Variants in PTPRK observed in about 807,000 individuals in gnomAD.
PTPRK encodes protein tyrosine phosphatase receptor type K, also known as receptor-type tyrosine-protein phosphatase kappa.
A neutral mutation model predicts 178.0 loss-of-function variants in PTPRK; 75 were observed. That is an observed-to-expected ratio of 0.42 (90% CI 0.35 to 0.51). The LOEUF is 0.51. Among genes scored for constraint, PTPRK ranks in the 20% least tolerant of loss-of-function variants. PTPRK has a pLI of 0.02. For missense variants in PTPRK, 1,441 were observed against 1,797.8 expected (o/e 0.80, Z 3.59); for synonymous variants, 637 against 620.6 (o/e 1.03, Z -0.39).
chr6:128,011,038 C>T (rs903803007), intron 13 of PTPRK, among the ~76,000 whole-genome samples: 2 of 151,224 alleles, frequency 1.3e-5, no homozygotes, highest in African/African-American at 4.8e-5. Context: ...GAAATATATA[C>T]ATATATCTAT....
intron 1 of PTPRK, among the ~76,000 whole-genome samples, chr6:128,432,409 C>A (rs1844951211): frequency 6.6e-6 from 1 of 152,130 alleles, no homozygotes; most frequent in Non-Finnish European, 1.5e-5. Context: ...AATGGCTAAA[C>A]AAATGTACAT....
intron 15 of PTPRK, among the ~76,000 whole-genome samples, chr6:128,001,003 C>A (rs1777772728): frequency 6.6e-6 from 1 of 151,964 alleles, no homozygotes; most frequent in Non-Finnish European, 1.5e-5. Flanking sequence ...GTACAATGAG[C>A]AGTAAGGTCT....
chr6:128,242,505 C>A lies in PTPRK; in HGVS notation c.577+16G>T. ...GGAAAGGACATAGAAAAATACAATT[C>A]TTAATCACAACCTACCACAAGGATA... On this transcript the variant is annotated intron_variant, in intron 4 of 29. Transcript: ENST00000368226. 1 of 1,607,726 alleles carries A rather than the reference C, an allele frequency of 6.2e-7. No homozygotes were observed. The highest frequency in any genetic ancestry group is 1.1e-5 in the South Asian group (1 of 89,570).
At chr6:128,125,597 C>CTTTTTTTTTTTTTTTTTTTTTTTTT (rs1562629730) in intron 7 of PTPRK, among the ~76,000 whole-genome samples, 1 of 82,146 alleles carries the variant, frequency 1.2e-5, no homozygotes, top group Non-Finnish European at 2.4e-5. Flanking sequence ...TGCCTTTGGG[C>CTTTTTTTTTTTTTTTTTTTTTTTTT]TTTTCTTTTT....
intron 2 of PTPRK, 124 bp from the exon 3 acceptor site, chr6:128,322,434 A>G: frequency 1.1e-6 from 1 of 901,864 alleles, no homozygotes; most frequent in Non-Finnish European, 1.7e-6. Flanking sequence ...TTTCCAGAAC[A>G]CAGCCACAGA....
intron 7 of PTPRK, among the ~76,000 whole-genome samples, chr6:128,126,911 A>T (rs576745922): frequency 3.9e-5 from 6 of 152,348 alleles, no homozygotes; most frequent in African/African-American, 1.4e-4. Flanking sequence ...ACTAGCAATA[A>T]ATGAAAATTC....
At chr6:128,028,566 T>C (rs566819572) in intron 13 of PTPRK, among the ~76,000 whole-genome samples, 119 of 152,256 alleles carry the variant, frequency 7.8e-4, no homozygotes, top group Middle Eastern at 3.2e-3. Context: ...AGTGTGGATA[T>C]GGTCTCTGGT....
chr6:128,100,356 T>A (rs1367914899), intron 7 of PTPRK, among the ~76,000 whole-genome samples: 1 of 151,932 alleles, frequency 6.6e-6, no homozygotes, highest in East Asian at 1.9e-4. Flanking sequence ...ATAAATATGG[T>A]CATTTGAAAG....
intron 13 of PTPRK, among the ~76,000 whole-genome samples, chr6:128,056,381 T>C (rs948040885): frequency 6.6e-6 from 1 of 152,084 alleles, no homozygotes; most frequent in African/African-American, 2.4e-5. Flanking sequence ...CCTTAATCTT[T>C]CTGTTGTTTT....
chr6:128,352,639 T>G (rs1295628390), intron 2 of PTPRK, among the ~76,000 whole-genome samples: 2 of 152,180 alleles, frequency 1.3e-5, no homozygotes, highest in Admixed American at 1.3e-4. Context: ...TGGAGTTCCC[T>G]CTGCATGGAG....
At chr6:128,422,360 G>T (rs572458291) in intron 1 of PTPRK, among the ~76,000 whole-genome samples, 61 of 152,018 alleles carry the variant, frequency 4.0e-4, no homozygotes, top group Admixed American at 1.5e-3. Context: ...TGGAGAAAAA[G>T]AAGAAAAAAA....
chr6:128,291,301 G>A (rs1277817705), intron 3 of PTPRK, among the ~76,000 whole-genome samples: 4 of 152,080 alleles, frequency 2.6e-5, no homozygotes, highest in Non-Finnish European at 5.9e-5. Flanking sequence ...GGCTACAAAA[G>A]CCAAGATTCT....
intron 7 of PTPRK, among the ~76,000 whole-genome samples, chr6:128,176,693 G>A (rs1801130279): frequency 6.6e-6 from 1 of 151,736 alleles, no homozygotes; most frequent in African/African-American, 2.4e-5. Flanking sequence ...GGAGAGGAAA[G>A]AAGATTGAAG....
rs898498029 is a variant in PTPRK, at chr6:128,519,931, G to C, written c.100+328C>G. 6.6e-6 allele frequency among the ~76,000 whole-genome samples: 1 copy of C among 152,166 alleles called. No homozygotes were observed. Among genetic ancestry groups the C allele is most frequent in the African/African-American group, 2.4e-5 (1 of 41,444 alleles). ...CCCGCACCACAAGCAACAGAGTGCC[G>C]TCACGGGAGTCGTAACTACTTTTTC... On this transcript the variant is annotated intron_variant, in intron 1 of 29. Transcript: ENST00000368226. This position sits in a 1 kb window ranked among gnomAD's most constrained non-coding sequence, Gnocchi z 4.3.
intron 3 of PTPRK, among the ~76,000 whole-genome samples, chr6:128,263,495 G>A (rs1448914780): frequency 6.6e-6 from 1 of 152,186 alleles, no homozygotes; most frequent in African/African-American, 2.4e-5. Context: ...GGGGAGAGAT[G>A]TGCAGTAGCA....
chr6:128,392,820 T>C (rs764412094), intron 2 of PTPRK, among the ~76,000 whole-genome samples: 1 of 152,164 alleles, frequency 6.6e-6, no homozygotes, highest in African/African-American at 2.4e-5. Flanking sequence ...GTGTATCCAA[T>C]ATAGATAGGT....
chr6:128,345,718 G>T (rs976436203), intron 2 of PTPRK, among the ~76,000 whole-genome samples: 5 of 152,134 alleles, frequency 3.3e-5, no homozygotes, highest in African/African-American at 9.7e-5. Flanking sequence ...TAATATATGT[G>T]CTAATCACCA....
chr6:128,415,898 T>C (rs1842797779), intron 1 of PTPRK, among the ~76,000 whole-genome samples: 1 of 152,138 alleles, frequency 6.6e-6, no homozygotes, highest in Admixed American at 6.5e-5. Flanking sequence ...ATGGTGGTTG[T>C]GCTAAATTTT....
intron 20 of PTPRK, 140 bp downstream of exon 20, chr6:127,991,154 T>C (rs1053228754): frequency 2.1e-5 from 13 of 604,940 alleles, no homozygotes; most frequent in Non-Finnish European, 3.6e-5. Flanking sequence ...AGTCAAGGTC[T>C]ACTTAGAAGT....
Sources: gnomAD v4.1 joint callset for allele counts (sites outside exome capture counted in the v4.1 genomes callset) on GRCh38, gnomAD v4.1.1 for gene constraint, Gnocchi (gnomAD v3.1) non-coding constraint, MANE v1.5 for transcripts, NCBI Gene and HGNC (gene_info 2026-07-23, HGNC 2026-07-21) for gene names.